ANAPC10: variants seen among roughly 807,000 people sequenced by gnomAD.
The protein encoded by ANAPC10 is anaphase-promoting complex subunit 10.
Under a neutral mutation model 22.0 loss-of-function variants are expected in ANAPC10, and 12 were observed. That is an observed-to-expected ratio of 0.55 (90% CI 0.35 to 0.88). The LOEUF is 0.88. ANAPC10 is among the 40% of genes least tolerant of loss of function. The pLI is 0.01. For synonymous variants in ANAPC10, 65 were observed against 69.5 expected (o/e 0.94, Z 0.32); for missense variants, 188 against 220.9 (o/e 0.85, Z 0.94).
chr4:145,016,711 C>T (rs1050007499), intron 4 of ANAPC10, among the ~76,000 whole-genome samples: 6 of 152,242 alleles, frequency 3.9e-5, no homozygotes. Context: ...TGCTACCTCA[C>T]TTCAAACTAT....
chr4:145,074,767 T>C (rs1744959392), intron 3 of ANAPC10, among the ~76,000 whole-genome samples: 1 of 152,186 alleles, frequency 6.6e-6, no homozygotes, highest in African/African-American at 2.4e-5. Context: ...CAACTATTAC[T>C]ATCAAGCAGT....
intron 4 of ANAPC10, among the ~76,000 whole-genome samples, chr4:145,025,355 G>C (rs1190297957): frequency 6.8e-6 from 1 of 146,632 alleles, no homozygotes; most frequent in East Asian, 2.1e-4. Context: ...TTTAAGCTCA[G>C]TCCTTTCTAG....
chr4:145,004,676 T>G (rs1215405364), intron 4 of ANAPC10, among the ~76,000 whole-genome samples: 1 of 152,332 alleles, frequency 6.6e-6, no homozygotes, highest in Non-Finnish European at 1.5e-5. Flanking sequence ...GAACCAACTT[T>G]GTATTCCAGG....
At chr4:145,039,924 T>C (rs1016422878) in intron 4 of ANAPC10, among the ~76,000 whole-genome samples, 2 of 152,040 alleles carry the variant, frequency 1.3e-5, no homozygotes, top group Admixed American at 1.3e-4. Flanking sequence ...TCACTTTAGA[T>C]ACTAGAAATC....
intron 3 of ANAPC10, among the ~76,000 whole-genome samples, chr4:145,068,017 TG>T (rs2126496285): frequency 6.6e-6 from 1 of 152,296 alleles, no homozygotes; most frequent in South Asian, 2.1e-4. Context: ...GTAGGCATCT[TG>T]GACCATAAGA....
intron 2 of ANAPC10, among the ~76,000 whole-genome samples, chr4:145,091,605 C>T (rs1000602146): frequency 5.9e-5 from 9 of 152,162 alleles, no homozygotes; most frequent in Non-Finnish European, 1.2e-4. Context: ...CACTGATGGG[C>T]GTTTGGGTTG....
intron 4 of ANAPC10, among the ~76,000 whole-genome samples, chr4:145,000,254 A>G (rs564976250): frequency 2.0e-5 from 3 of 152,200 alleles, no homozygotes; most frequent in Non-Finnish European, 4.4e-5. Flanking sequence ...CTACCATTGG[A>G]GTGAAAAGGC....
chr4:145,005,978 T>C (rs1733283107), intron 4 of ANAPC10, among the ~76,000 whole-genome samples: 1 of 152,160 alleles, frequency 6.6e-6, no homozygotes, highest in Non-Finnish European at 1.5e-5. Flanking sequence ...GCCCATTTAG[T>C]TAAGTGTTGA....
intron 4 of ANAPC10, among the ~76,000 whole-genome samples, chr4:145,010,921 A>T (rs1578896094): frequency 6.6e-6 from 1 of 152,126 alleles, no homozygotes; most frequent in Non-Finnish European, 1.5e-5. Flanking sequence ...TTAGAAGGCA[A>T]CTTTCTGAAG....
At chr4:145,075,324 C>T (rs1219435110) in intron 3 of ANAPC10, among the ~76,000 whole-genome samples, 1 of 152,090 alleles carries the variant, frequency 6.6e-6, no homozygotes, top group Non-Finnish European at 1.5e-5. Context: ...AGAACTATAA[C>T]TTTATATTAC....
chr4:145,040,129 ATG>A (rs35260688), intron 4 of ANAPC10, among the ~76,000 whole-genome samples: 3,604 of 148,866 alleles, frequency 0.024, 96 homozygotes, highest in African/African-American at 0.074. Flanking sequence ...GTGTGTGTGT[ATG>A]TGTGTGTGTG....
At chr4:145,015,674 A>C (rs886880299) in intron 4 of ANAPC10, among the ~76,000 whole-genome samples, 4 of 152,178 alleles carry the variant, frequency 2.6e-5, no homozygotes, top group Non-Finnish European at 5.9e-5. Context: ...AAAGAATCTT[A>C]AGAGCTGTGA....
intron 4 of ANAPC10, among the ~76,000 whole-genome samples, chr4:145,053,969 T>C (rs1741514753): frequency 6.6e-6 from 1 of 151,744 alleles, no homozygotes; most frequent in Non-Finnish European, 1.5e-5. Flanking sequence ...ACTGCAGTGG[T>C]GCAATCTCAG....
chr4:145,084,095 T>TAGGTAG (rs1746504834), intron 2 of ANAPC10, among the ~76,000 whole-genome samples: 1 of 152,148 alleles, frequency 6.6e-6, no homozygotes, highest in African/African-American at 2.4e-5. Context: ...CTCAGTCATC[T>TAGGTAG]AGGTAGCTGG....
chr4:145,023,762 G>A (rs1032525593), intron 4 of ANAPC10, among the ~76,000 whole-genome samples: 7 of 152,136 alleles, frequency 4.6e-5, no homozygotes, highest in Non-Finnish European at 1.0e-4. Flanking sequence ...CCTTAATGTT[G>A]ATGGCTACTG....
chr4:145,068,868 CTACTG>C (rs1744084885), intron 3 of ANAPC10, among the ~76,000 whole-genome samples: 1 of 152,184 alleles, frequency 6.6e-6, no homozygotes, highest in Non-Finnish European at 1.5e-5. Context: ...CAAGATTGCG[CTACTG>C]TACTCCAGCC....
intron 3 of ANAPC10, among the ~76,000 whole-genome samples, chr4:145,070,698 T>C (rs956200419): frequency 3.3e-5 from 5 of 152,212 alleles, no homozygotes; most frequent in Non-Finnish European, 4.4e-5. Context: ...TGCACACCAA[T>C]GTTCATAACA....
At chr4:145,046,400 A>G (rs1308062964) in intron 4 of ANAPC10, among the ~76,000 whole-genome samples, 1 of 152,152 alleles carries the variant, frequency 6.6e-6, no homozygotes, top group African/African-American at 2.4e-5. Context: ...AGTCAGCTTT[A>G]CTTTTTTAAA....
At position 144,994,964 on chromosome 4, in the gene ANAPC10, T is replaced by C. The variant is rs1011450410; in HGVS notation, c.*409A>G. 4.5e-5 allele frequency: 7 copies of C among 155,426 alleles called. No individual in the cohort carries two copies. The highest frequency in any genetic ancestry group is 1.7e-4 in the African/African-American group (7 of 41,472). The allele number at this position is 155,426 out of a possible 1,614,324, so 9.6% of individuals were successfully genotyped here. A position where few individuals can be genotyped will look rare whatever the true frequency, so the allele number is the denominator to read the frequency against. On this transcript the variant is annotated 3_prime_UTR_variant, in exon 5 of 5. Coordinates refer to ENST00000507656, the MANE Select transcript of ANAPC10 (RefSeq NM_001256706.2). Reference sequence around the variant, plus strand: ...TAATTTTGACCTATTAAAGATGATATATATTGATAAAACACAGTCTTGTTC... The same window carrying C: ...TAATTTTGACCTATTAAAGATGATACATATTGATAAAACACAGTCTTGTTC...
Sources: gnomAD v4.1 joint callset for allele counts (sites outside exome capture counted in the v4.1 genomes callset) on GRCh38, gnomAD v4.1.1 for gene constraint, MANE v1.5 for transcripts, NCBI Gene and HGNC (gene_info 2026-07-23, HGNC 2026-07-21) for gene names.